Variants in FER1L6 observed in about 807,000 individuals in gnomAD.
The protein encoded by FER1L6 is fer-1-like protein 6.
A neutral mutation model predicts 219.2 loss-of-function variants in FER1L6; 177 were observed. The observed-to-expected ratio is 0.81, with a 90% CI of 0.71 to 0.91. The LOEUF (loss-of-function observed/expected upper bound fraction) is 0.91. FER1L6 is among the 40% of genes least tolerant of loss of function. The pLI, the probability that FER1L6 is intolerant of heterozygous loss-of-function variation, is 0.00. For missense variants in FER1L6, 2,153 were observed against 2,259.9 expected (o/e 0.95, Z 0.96); for synonymous variants, 768 against 824.3 (o/e 0.93, Z 1.17).
At chr8:123,988,172 T>A (rs1282613077) in intron 12 of FER1L6, among the ~76,000 whole-genome samples, 1 of 152,194 alleles carries the variant, frequency 6.6e-6, no homozygotes, top group East Asian at 1.9e-4. Flanking sequence ...CTCTATTCTG[T>A]TCCATTGTCC....
intron 1 of FER1L6, among the ~76,000 whole-genome samples, chr8:123,930,457 C>A (rs918666233): frequency 6.6e-6 from 1 of 151,976 alleles, no homozygotes; most frequent in Non-Finnish European, 1.5e-5. Context: ...TAAACACATG[C>A]GTAGTGGATT....
At chr8:123,897,326 A>G (rs1812763971) in intron 1 of FER1L6, among the ~76,000 whole-genome samples, 1 of 152,072 alleles carries the variant, frequency 6.6e-6, no homozygotes, top group Non-Finnish European at 1.5e-5. Flanking sequence ...TTCTAGACTG[A>G]GTTTCCCCAG....
intron 1 of FER1L6, among the ~76,000 whole-genome samples, chr8:123,916,922 T>C (rs749066936): frequency 6.6e-6 from 1 of 152,198 alleles, no homozygotes; most frequent in Non-Finnish European, 1.5e-5. Flanking sequence ...GTATTTTGAC[T>C]ACCACCTCTG....
intron 30 of FER1L6, among the ~76,000 whole-genome samples, 177 bp downstream of exon 30, chr8:124,070,775 G>A (rs1821036154): frequency 6.6e-6 from 1 of 152,076 alleles, no homozygotes; most frequent in East Asian, 1.9e-4. Flanking sequence ...AGATATTTTT[G>A]GTTTGTGACC....
At position 123,856,304 on chromosome 8, in the gene FER1L6, A is replaced by ATGTGTGTGTG. The variant is rs1315109039; in HGVS notation, c.-8+4120_-8+4121insGTGTGTGTGT. On this transcript the variant is annotated intron_variant, in intron 1 of 40. Transcript: ENST00000522917. Reference sequence around the variant, plus strand: ...TATATGTGTGTGTGTATATATATATATATATGTATGTGTATATATATATAT... The same window carrying ATGTGTGTGTG: ...TATATGTGTGTGTGTATATATATATATGTGTGTGTGTATATGTATGTGTATATATATATAT... 3.3e-5 allele frequency among the ~76,000 whole-genome samples: 2 copies of ATGTGTGTGTG among 60,430 alleles called. 1 individual carries two copies. Among genetic ancestry groups the ATGTGTGTGTG allele is most frequent in the African/African-American group, 1.3e-4 (2 of 15,404 alleles). 39.6% of individuals were successfully genotyped at this position (60,430 alleles called of 152,430 possible).
chr8:123,960,931 C>G (rs1216901368), intron 2 of FER1L6, among the ~76,000 whole-genome samples: 1 of 152,122 alleles, frequency 6.6e-6, no homozygotes. Context: ...CAGGAATAAC[C>G]TCGTCTGGCA....
Position 124,076,239 on chromosome 8 carries a change from T to G in FER1L6, c.4134T>G (p.Asp1378Glu). 1 of 1,614,002 alleles carries G rather than the reference T, an allele frequency of 6.2e-7. No homozygotes were observed. ...CAGCTGATCCAGATGGCAAATCAGA[T>G]CCCTACATTGTGATCAAGCTTGGCA... is the stretch of plus-strand genomic sequence containing the variant. ...LSPADPDGKS[D>E]PYIVIKLGKT... Residue 1378 changes from aspartate (D) to glutamate (E), a missense_variant, in exon 32 of 41, where the codon GAT becomes GAG. Physicochemically the swap from Asp to Glu is conservative, Grantham distance 45. Transcript: ENST00000522917.
At chr8:123,994,760 G>T (rs1254821043) in intron 12 of FER1L6, among the ~76,000 whole-genome samples, 1 of 152,204 alleles carries the variant, frequency 6.6e-6, no homozygotes, top group Non-Finnish European at 1.5e-5. Flanking sequence ...GTACCTCTCA[G>T]CTGGGGGCTT....
chr8:124,046,816 T>C (rs1819759786), intron 21 of FER1L6: 1 of 152,222 alleles, frequency 6.6e-6, no homozygotes, highest in South Asian at 2.1e-4. Flanking sequence ...AAATACCTTC[T>C]TTAAAGCCAT....
Position 124,071,643 on chromosome 8 carries a change from T to G in FER1L6, c.4092+12T>G. The G allele has an allele frequency of 6.2e-7, 1 of 1,609,702 alleles. No individual in the cohort carries two copies. The highest frequency in any genetic ancestry group is 8.5e-7 in the Non-Finnish European group (1 of 1,176,494). On this transcript the variant is annotated intron_variant, in intron 31 of 40. Coordinates refer to ENST00000522917, the MANE Select transcript of FER1L6 (RefSeq NM_001039112.2). ...TATACATTGTCGCGGTGAGCCATTCTTGTTTGCTCTGAGGGGGTGTATTTA... is the reference window on the plus strand; with the variant it reads ...TATACATTGTCGCGGTGAGCCATTCGTGTTTGCTCTGAGGGGGTGTATTTA...
At chr8:123,947,264 T>C (rs1205958700) in intron 1 of FER1L6, among the ~76,000 whole-genome samples, 2 of 149,404 alleles carry the variant, frequency 1.3e-5, no homozygotes, top group Non-Finnish European at 1.5e-5. Flanking sequence ...AAAGGTATGA[T>C]GATGAAGAGA....
intron 11 of FER1L6, among the ~76,000 whole-genome samples, chr8:123,981,609 A>G (rs899534374): frequency 6.6e-6 from 1 of 152,134 alleles, no homozygotes; most frequent in Non-Finnish European, 1.5e-5. Context: ...GAGAGACTGG[A>G]GAGTCCAAAG....
intron 12 of FER1L6, among the ~76,000 whole-genome samples, chr8:123,999,571 G>A (rs369917619): frequency 9.9e-5 from 15 of 152,194 alleles, no homozygotes; most frequent in East Asian, 9.6e-4. Flanking sequence ...GCTGAGGCCG[G>A]AGAATTGCCT....
chr8:123,860,144 C>T (rs1469167773), intron 1 of FER1L6, among the ~76,000 whole-genome samples: 1 of 80,922 alleles, frequency 1.2e-5, no homozygotes, highest in Non-Finnish European at 2.2e-5. Context: ...CCCCTCCCCA[C>T]CACAGTCCCC....
Position 124,091,535 on chromosome 8 carries a change from G to GTTTTTCCA in FER1L6, c.4504_4505insTTTTTCCA (p.Gly1502ValfsTer52). 3 of 1,614,052 alleles carry GTTTTTCCA rather than the reference G, an allele frequency of 1.9e-6. No homozygotes were observed. The highest frequency in any genetic ancestry group is 2.2e-5 in the East Asian group (1 of 44,864). On this transcript the variant is annotated frameshift_variant, in exon 34 of 41. Transcript: ENST00000522917. LOFTEE classifies it high-confidence loss of function. ...CTTTCACCCTGGGAAAATACAGATAGGAAACCAAGTCTTTTCTGGAAAAAC... is the reference window on the plus strand; with the variant it reads ...CTTTCACCCTGGGAAAATACAGATAGTTTTTCCAGAAACCAAGTCTTTTCTGGAAAAAC...
rs193241463 is a variant in FER1L6, at chr8:124,082,595, C to T, written c.4391+137C>T. 2.9e-4 allele frequency: 215 copies of T among 729,830 alleles called. 1 individual carries two copies. The highest frequency in any genetic ancestry group is 5.9e-4 in the Middle Eastern group (2 of 3,406). 45.2% of individuals were successfully genotyped at this position (729,830 alleles called of 1,614,324 possible). A position where few individuals can be genotyped will look rare whatever the true frequency, so the allele number is the denominator to read the frequency against. On this transcript the variant is annotated intron_variant, in intron 33 of 40. Coordinates refer to ENST00000522917, the MANE Select transcript of FER1L6 (RefSeq NM_001039112.2). The stretch of plus-strand genomic sequence containing the variant: ...GCTTTAACGTCTCAAATGGGCTCCA[C>T]ATCAGCAGAGCTGGCTTGGGGAAAC...
intron 1 of FER1L6, among the ~76,000 whole-genome samples, chr8:123,884,722 G>T (rs1253814095): frequency 6.6e-6 from 1 of 152,018 alleles, no homozygotes; most frequent in Non-Finnish European, 1.5e-5. Context: ...GTTTGGTGCT[G>T]GGAATGGCTG....
intron 1 of FER1L6, among the ~76,000 whole-genome samples, chr8:123,931,394 T>G (rs1270676342): frequency 6.6e-6 from 1 of 152,226 alleles, no homozygotes; most frequent in East Asian, 1.9e-4. Context: ...TCATCTGGGA[T>G]TAGTGTGTCT....
At chr8:124,022,491 G>GAATT (rs1818497852) in intron 17 of FER1L6, among the ~76,000 whole-genome samples, 1 of 152,212 alleles carries the variant, frequency 6.6e-6, no homozygotes, top group Non-Finnish European at 1.5e-5. Flanking sequence ...ACTTGGCATG[G>GAATT]AATTCTACTC....
Sources: gnomAD v4.1 joint callset for allele counts (sites outside exome capture counted in the v4.1 genomes callset) on GRCh38, gnomAD v4.1.1 for gene constraint, MANE v1.5 for transcripts, NCBI Gene and HGNC (gene_info 2026-07-23, HGNC 2026-07-21) for gene names.